CACNA1C: variants seen among roughly 807,000 people sequenced by gnomAD.
CACNA1C encodes the protein calcium voltage-gated channel subunit alpha1 C.
Under a neutral mutation model 229.0 loss-of-function variants are expected in CACNA1C, and 30 were observed. That is an observed-to-expected ratio of 0.13 (90% CI 0.10 to 0.18). The LOEUF (loss-of-function observed/expected upper bound fraction) is 0.18. Among genes scored for constraint, CACNA1C ranks in the 10% least tolerant of loss-of-function variants. The probability of loss-of-function intolerance (pLI) is 1.00; values close to 1 mark genes in which losing one functional copy is unlikely to be tolerated. For synonymous variants in CACNA1C, 1,114 were observed against 1,132.5 expected (o/e 0.98, Z 0.33); for missense variants, 1,658 against 2,845.0 (o/e 0.58, Z 9.49).
chr12:2,453,058 A>T (rs923958023), intron 4 of CACNA1C, among the ~76,000 whole-genome samples: 1 of 152,160 alleles, frequency 6.6e-6, no homozygotes, highest in African/African-American at 2.4e-5. Context: ...TACGGCCTGG[A>T]CAGGGTTCTC....
chr12:2,026,350 T>C (rs759355623), intron 1 of CACNA1C, among the ~76,000 whole-genome samples: 1 of 152,190 alleles, frequency 6.6e-6, no homozygotes, highest in Non-Finnish European at 1.5e-5. Context: ...GGAAGGTGGA[T>C]GGTCCCATCT....
rs376641724 is a variant in CACNA1C, at chr12:2,265,022, A to G, written c.477+144592A>G. ...TAAGCCTCTGGATTTCTCCTTAAAT[A>G]TCAGCTCTAGGACGCCTGCCTGATG... On this transcript the variant is annotated intron_variant, in intron 3 of 46. Transcript: ENST00000399655. Among the ~76,000 whole-genome samples the G allele has an allele frequency of 5.3e-5, 8 of 152,242 alleles. No individual in the cohort carries two copies. In the East Asian group the frequency reaches 9.6e-4, roughly 18 times the overall value.
intron 3 of CACNA1C, among the ~76,000 whole-genome samples, chr12:2,443,732 G>T (rs1860091): frequency 0.26 from 38,881 of 152,130 alleles, 5,050 homozygotes; most frequent in South Asian, 0.26. Context: ...CCAGAGGCAC[G>T]TGGGGCATCT....
At chr12:2,226,541 A>G (rs557611641) in intron 3 of CACNA1C, among the ~76,000 whole-genome samples, 47 of 152,314 alleles carry the variant, frequency 3.1e-4, no homozygotes, top group South Asian at 1.7e-3. Flanking sequence ...CCCCATCTAG[A>G]TACCTAGTTT....
chr12:2,455,010 C>T (rs1003388139), intron 4 of CACNA1C, among the ~76,000 whole-genome samples: 5 of 152,102 alleles, frequency 3.3e-5, no homozygotes, highest in South Asian at 2.1e-4. Context: ...GAAGGAGCTC[C>T]GTCCCACACG....
At chr12:2,090,891 G>A (rs1482003339) in intron 1 of CACNA1C, among the ~76,000 whole-genome samples, 2 of 151,802 alleles carry the variant, frequency 1.3e-5, no homozygotes, top group Non-Finnish European at 1.5e-5. Context: ...CCACATCCTC[G>A]CTGGCTCTTG....
At chr12:2,573,647 A>G (rs550337195) in intron 13 of CACNA1C, among the ~76,000 whole-genome samples, 2 of 152,352 alleles carry the variant, frequency 1.3e-5, no homozygotes, top group East Asian at 3.9e-4. Context: ...CAGGGATCTA[A>G]ATCAATGGTT....
chr12:2,240,808 C>G (rs763730565), intron 3 of CACNA1C, among the ~76,000 whole-genome samples: 11 of 152,068 alleles, frequency 7.2e-5, no homozygotes, highest in Non-Finnish European at 1.3e-4. Flanking sequence ...CTCCCCCACC[C>G]CCTGACCTCT....
intron 3 of CACNA1C, among the ~76,000 whole-genome samples, chr12:2,362,521 T>A (rs184070892): frequency 6.6e-6 from 1 of 152,256 alleles, no homozygotes. Context: ...TGAGCTTATT[T>A]CAAGACCACA....
At chr12:2,004,409 C>T (rs1198121063) in intron 1 of CACNA1C, 10 of 1,610,744 alleles carry the variant, frequency 6.2e-6, no homozygotes, top group Admixed American at 1.7e-5. Context: ...TCCCACCAGG[C>T]CGCCTGCCGC....
chr12:2,417,843 G>A (rs1032054807), intron 3 of CACNA1C, among the ~76,000 whole-genome samples: 2 of 152,002 alleles, frequency 1.3e-5, no homozygotes, highest in Non-Finnish European at 2.9e-5. Flanking sequence ...TACCCCTCCC[G>A]CCTGTAGCAA....
intron 1 of CACNA1C, among the ~76,000 whole-genome samples, chr12:2,046,063 G>T (rs1247781713): frequency 6.6e-6 from 1 of 152,034 alleles, no homozygotes; most frequent in Non-Finnish European, 1.5e-5. Flanking sequence ...CAAAGAAGGG[G>T]TTCTCCCTGA....
At chr12:2,126,976 C>T (rs1054188862) in intron 3 of CACNA1C, among the ~76,000 whole-genome samples, 1 of 152,192 alleles carries the variant, frequency 6.6e-6, no homozygotes, top group Non-Finnish European at 1.5e-5. Flanking sequence ...GACCAAAACG[C>T]TGTGCTTTTT....
chr12:2,390,255 G>C (rs2098460293), intron 3 of CACNA1C, among the ~76,000 whole-genome samples: 1 of 152,206 alleles, frequency 6.6e-6, no homozygotes, highest in Admixed American at 6.5e-5. Context: ...TGGGAACCCA[G>C]GTATGATCTT....
chr12:1,989,438 G>C (rs940980441), intron 1 of CACNA1C, among the ~76,000 whole-genome samples: 2 of 152,350 alleles, frequency 1.3e-5, no homozygotes, highest in African/African-American at 4.8e-5. Flanking sequence ...AAAGGGGCTG[G>C]GCGTGGTGGC....
At chr12:2,428,328 T>G (rs1270051488) in intron 3 of CACNA1C, among the ~76,000 whole-genome samples, 5 of 152,228 alleles carry the variant, frequency 3.3e-5, no homozygotes, top group East Asian at 1.9e-4. Context: ...TCCCCTGCCT[T>G]TCAGCTTTCT....
At chr12:2,648,956 C>T (rs1360699701) in intron 31 of CACNA1C, among the ~76,000 whole-genome samples, 2 of 152,144 alleles carry the variant, frequency 1.3e-5, no homozygotes, top group Non-Finnish European at 2.9e-5. Flanking sequence ...ACGATGATTC[C>T]TGTTAATCAG....
rs12371063 is a variant in CACNA1C at position 2,107,015 on chromosome 12, C to T, written c.50-8209C>T. 3.6e-3 allele frequency among the ~76,000 whole-genome samples: 104 copies of T among 29,020 alleles called. 13 individuals are homozygous for T. Among genetic ancestry groups the T allele is most frequent in the Non-Finnish European group, 5.6e-3 (46 of 8,220 alleles). The allele number at this position is 29,020 out of a possible 152,430, so 19.0% of individuals were successfully genotyped here. A position where few individuals can be genotyped will look rare whatever the true frequency, so the allele number is the denominator to read the frequency against. On this transcript the variant is annotated intron_variant, in intron 1 of 46. Transcript: ENST00000399655. Reference sequence around the variant, plus strand: ...GGGGTGTCCTGAAGCCACTGGGTGCCCACCCCGGGGAGGTTTTCCACCTCA... The same window carrying T: ...GGGGTGTCCTGAAGCCACTGGGTGCTCACCCCGGGGAGGTTTTCCACCTCA...
At position 2,677,616 on chromosome 12, in the gene CACNA1C, G is replaced by C; in HGVS notation, c.4957-117G>C. 2 of 1,196,010 alleles carry C rather than the reference G, an allele frequency of 1.7e-6. No individual in the cohort carries two copies. The highest frequency in any genetic ancestry group is 2.6e-5 in the East Asian group (1 of 39,036). 74.1% of individuals were successfully genotyped at this position (1,196,010 alleles called of 1,614,324 possible). A position where few individuals can be genotyped will look rare whatever the true frequency, so the allele number is the denominator to read the frequency against. On this transcript the variant is annotated intron_variant, in intron 40 of 46. Transcript: ENST00000399655. This position sits in a 1 kb window ranked among gnomAD's most constrained non-coding sequence, Gnocchi z 7.4. ...ACACAAACCTTCCGGAGGGTCGACTGGCTGGGTGGAGGATGCCAGGGCCCT... is the reference window on the plus strand; with the variant it reads ...ACACAAACCTTCCGGAGGGTCGACTCGCTGGGTGGAGGATGCCAGGGCCCT...
Sources: gnomAD v4.1 joint callset for allele counts (sites outside exome capture counted in the v4.1 genomes callset) on GRCh38, gnomAD v4.1.1 for gene constraint, Gnocchi (gnomAD v3.1) non-coding constraint, MANE v1.5 for transcripts, NCBI Gene and HGNC (gene_info 2026-07-23, HGNC 2026-07-21) for gene names.